Variants in PTPRO observed in about 807,000 individuals in gnomAD.
The protein encoded by PTPRO is receptor-type tyrosine-protein phosphatase O.
Under a neutral mutation model 145.2 loss-of-function variants are expected in PTPRO, and 62 were observed. The observed-to-expected ratio is 0.43, with a 90% confidence interval of 0.35 to 0.53. PTPRO has a LOEUF of 0.53. Ranked by LOEUF, PTPRO falls within the 20% of genes least tolerant of loss-of-function variation. PTPRO has a pLI of 0.01. For synonymous variants in PTPRO, 565 were observed against 514.7 expected, an observed-to-expected ratio of 1.10 and a Z score of -1.32; for missense variants, 1,345 against 1,482.7, an observed-to-expected ratio of 0.91 and a Z score of 1.53.
intron 18 of PTPRO, among the ~76,000 whole-genome samples, chr12:15,566,350 C>A (rs1156264225): frequency 6.6e-6 from 1 of 152,048 alleles, no homozygotes; most frequent in Non-Finnish European, 1.5e-5. Context: ...AGGTCTGTGG[C>A]ATCTATGCTT....
intron 15 of PTPRO, among the ~76,000 whole-genome samples, chr12:15,552,848 G>T (rs1943505492): frequency 7.5e-6 from 1 of 133,558 alleles, no homozygotes; most frequent in African/African-American, 2.9e-5. Context: ...CGCCCAGGCT[G>T]GAGTGCAATG....
At chr12:15,484,938 A>C (rs746025568) in intron 2 of PTPRO, among the ~76,000 whole-genome samples, 6 of 152,098 alleles carry the variant, frequency 3.9e-5, no homozygotes, top group Admixed American at 1.3e-4. Context: ...TCTACTGTCT[A>C]TGTTGACATG....
chr12:15,486,555 T>TTTTATG (rs1156421865), intron 2 of PTPRO, among the ~76,000 whole-genome samples: 1 of 152,118 alleles, frequency 6.6e-6, no homozygotes, highest in African/African-American at 2.4e-5. Flanking sequence ...AATGTTAACC[T>TTTTATG]TATATGTAAT....
rs1942610945 is a variant in PTPRO, at chr12:15,516,892, C to T, written c.1715C>T (p.Thr572Ile). ...GAAATGTTTTATTTCAACCCTGCTA[C>T]AATGACATCAGAGTGGACCACCTAC... ...VVEMFYFNPATMTSEWTTYYE... is the reference protein window; with the variant it reads ...VVEMFYFNPAIMTSEWTTYYE... The change falls in exon 9 of 27, where the codon ACA (threonine) becomes ATA (isoleucine). Residue 572 changes from threonine to isoleucine, a missense_variant. By Grantham distance (89) the Thr-to-Ile change is moderately conservative. This residue lies in a region of PTPRO where 1,130 missense variants were observed against 1,214.7 expected (regional missense o/e 0.93). Coordinates refer to ENST00000281171, the MANE Select transcript of PTPRO (RefSeq NM_030667.3). 1 of 1,613,922 alleles carries T rather than the reference C, an allele frequency of 6.2e-7. No homozygotes were observed. Among genetic ancestry groups the T allele is most frequent in the East Asian group, 2.2e-5 (1 of 44,882 alleles).
At chr12:15,514,776 T>C (rs1399217760) in intron 7 of PTPRO, among the ~76,000 whole-genome samples, 2 of 152,136 alleles carry the variant, frequency 1.3e-5, no homozygotes, top group Non-Finnish European at 1.5e-5. Flanking sequence ...TTATTTTTGT[T>C]TTTTTGAGAG....
Position 15,557,505 on chromosome 12 carries a change from G to T in PTPRO, c.2609G>T (p.Gly870Val). The T allele has an allele frequency of 6.2e-7, 1 of 1,613,764 alleles. No homozygotes were observed. Among genetic ancestry groups the T allele is most frequent in the Non-Finnish European group, 8.5e-7 (1 of 1,179,696 alleles). The change falls in exon 16 of 27, where the codon GGA becomes GTA. Residue 870 changes from glycine to valine, a missense_variant. Transcript: ENST00000281171. ...FVNFASLERD[G>V]KLPYNWRRSI... ...AATTTTGCATCCTTAGAGAGGGATG[G>T]AAAGCTTCCATACAACTGGTGAGTA... is the stretch of plus-strand genomic sequence containing the variant.
intron 1 of PTPRO, among the ~76,000 whole-genome samples, chr12:15,453,430 T>G (rs1165778037): frequency 6.6e-6 from 1 of 152,218 alleles, no homozygotes; most frequent in Non-Finnish European, 1.5e-5. Flanking sequence ...AGACAGTGAT[T>G]CAGTTTCCTC....
chr12:15,401,318 A>G (rs1939486349), intron 1 of PTPRO, among the ~76,000 whole-genome samples: 1 of 152,248 alleles, frequency 6.6e-6, no homozygotes, highest in African/African-American at 2.4e-5. Flanking sequence ...ATATGCAACT[A>G]TAAGTGACTG....
At chr12:15,534,609 G>T (rs1304831114) in intron 12 of PTPRO, among the ~76,000 whole-genome samples, 1 of 152,164 alleles carries the variant, frequency 6.6e-6, no homozygotes, top group Non-Finnish European at 1.5e-5. Flanking sequence ...AAGCCATGGA[G>T]GCTATGGTCT....
chr12:15,340,377 AATCAGTCCTTGG>A (rs1866935399), intron 1 of PTPRO, among the ~76,000 whole-genome samples: 1 of 152,174 alleles, frequency 6.6e-6, no homozygotes, highest in Non-Finnish European at 1.5e-5. Flanking sequence ...CAGGTGACTG[AATCAGTCCTTGG>A]TTGGGACTGC....
intron 8 of PTPRO, 85 bp from the exon 9 acceptor site, chr12:15,516,678 C>T (rs566310978): frequency 1.8e-4 from 223 of 1,207,252 alleles, no homozygotes; most frequent in Non-Finnish European, 2.4e-4. Flanking sequence ...AGTGAAAACT[C>T]GGGTCATTAA....
chr12:15,524,075 C>T (rs1167338847), intron 10 of PTPRO, among the ~76,000 whole-genome samples: 1 of 149,670 alleles, frequency 6.7e-6, no homozygotes, highest in Non-Finnish European at 1.5e-5. Flanking sequence ...GGATTACAGG[C>T]ATTCCCTGCT....
intron 7 of PTPRO, 107 bp from the exon 8 acceptor site, chr12:15,515,391 A>T: frequency 6.9e-7 from 1 of 1,454,704 alleles, no homozygotes; most frequent in Non-Finnish European, 9.6e-7. Flanking sequence ...TCTGGATTTC[A>T]AAGTCATCTG....
At chr12:15,465,774 T>C (rs2136405241) in intron 1 of PTPRO, among the ~76,000 whole-genome samples, 1 of 152,132 alleles carries the variant, frequency 6.6e-6, no homozygotes, top group Non-Finnish European at 1.5e-5. Flanking sequence ...TTTAATGGGG[T>C]TCATGGAGGT....
intron 17 of PTPRO, 46 bp downstream of exon 17, chr12:15,560,322 A>G (rs1482736748): frequency 7.1e-7 from 1 of 1,404,624 alleles, no homozygotes; most frequent in Non-Finnish European, 1.0e-6. Flanking sequence ...TTTAAAAGTT[A>G]GCTTTCAAGA....
At chr12:15,523,760 T>C (rs558320677) in intron 10 of PTPRO, among the ~76,000 whole-genome samples, 58 of 151,904 alleles carry the variant, frequency 3.8e-4, no homozygotes, top group African/African-American at 1.3e-3. Flanking sequence ...GCGTGACAGA[T>C]TGAGATCCTG....
At position 15,322,750 on chromosome 12, in the gene PTPRO, A is replaced by T; in HGVS notation, c.24A>T (p.Ile8=). Reference sequence around the variant, plus strand: ...CGATGGGGCACCTGCCCACGGGGATACACGGCGCCCGCCGCCTCCTGCCTC... The same window carrying T: ...CGATGGGGCACCTGCCCACGGGGATTCACGGCGCCCGCCGCCTCCTGCCTC... MGHLPTG[I]HGARRLLPLL... Residue 8 remains isoleucine, a synonymous_variant, in exon 1 of 27, where the codon ATA becomes ATT. Transcript: ENST00000281171. The surrounding 1 kb of genome is among the most constrained non-coding windows in gnomAD (Gnocchi z 6.3). The T allele has an allele frequency of 6.2e-7, 1 of 1,612,022 alleles. No individual in the cohort carries two copies. Among genetic ancestry groups the T allele is most frequent in the Non-Finnish European group, 8.5e-7 (1 of 1,179,418 alleles).
chr12:15,578,244 A>G (rs1222024605), intron 19 of PTPRO, among the ~76,000 whole-genome samples: 1 of 152,208 alleles, frequency 6.6e-6, no homozygotes, highest in African/African-American at 2.4e-5. Context: ...ATTTCTTCAG[A>G]GAATAGGAAA....
chr12:15,457,832 G>A (rs949165174), intron 1 of PTPRO, among the ~76,000 whole-genome samples: 2 of 152,136 alleles, frequency 1.3e-5, no homozygotes, highest in African/African-American at 2.4e-5. Flanking sequence ...TATAGGTGTG[G>A]TTATGTCAGT....
Sources: gnomAD v4.1 joint callset for allele counts (sites outside exome capture counted in the v4.1 genomes callset) on GRCh38, gnomAD v4.1.1 for gene constraint, gnomAD v4.1.1 regional missense constraint, Gnocchi (gnomAD v3.1) non-coding constraint, MANE v1.5 for transcripts, NCBI Gene and HGNC (gene_info 2026-07-23, HGNC 2026-07-21) for gene names.